The following TTC6 variants were observed in gnomAD, a reference collection of about 807,000 sequenced individuals.
The protein encoded by TTC6 is tetratricopeptide repeat domain 6.
A neutral mutation model predicts 210.4 loss-of-function variants in TTC6; 172 were observed. That is an observed-to-expected ratio of 0.82 (90% CI 0.72 to 0.93). The LOEUF (loss-of-function observed/expected upper bound fraction) is 0.93, where lower values mean the gene tolerates loss of function less well. TTC6 is among the 40% of genes least tolerant of loss of function. TTC6 has a pLI of 0.00. For missense variants in TTC6, 2,414 were observed against 2,318.1 expected (o/e 1.04, Z -0.85); for synonymous variants, 804 against 819.6 (o/e 0.98, Z 0.32).
chr14:37,656,045 G>T (rs548483322), intron 1 of TTC6, among the ~76,000 whole-genome samples: 24 of 152,236 alleles, frequency 1.6e-4, no homozygotes, highest in African/African-American at 5.8e-4. Flanking sequence ...TCTCTTGTTA[G>T]TTATCTAGCC....
chr14:37,696,693 A>G, intron 3 of TTC6, 24 bp from the exon 6 acceptor site: 1 of 1,230,856 alleles, frequency 8.1e-7, no homozygotes, highest in African/African-American at 1.6e-5. Context: ...TTCTCTTAAC[A>G]GCACACTTTA....
At chr14:37,804,560 C>T in intron 20 of TTC6, 120 bp from the exon 23 acceptor site, 1 of 1,303,418 alleles carries the variant, frequency 7.7e-7, no homozygotes, top group Non-Finnish European at 1.1e-6. Context: ...TGTTTGTCCC[C>T]AGATAAAGTA....
In TTC6 at chr14:37,711,053, T is replaced by C. The variant is rs183569287; in HGVS notation, c.1572-3602T>C. The stretch of plus-strand genomic sequence containing the variant: ...TCATTAGGTCTGTGTTGGGGCTCAA[T>C]AACTTACATTCCTAACAAGTTGTTA... On this transcript the variant is annotated intron_variant, in intron 5 of 30. Transcript: ENST00000553443. Among the ~76,000 whole-genome samples the C allele has an allele frequency of 3.3e-5, 5 of 152,224 alleles. No individual in the cohort carries two copies. The East Asian group carries it at 9.7e-4, about 29-fold the overall frequency.
At chr14:37,800,012 A>G (rs1423769629) in intron 20 of TTC6, among the ~76,000 whole-genome samples, 1 of 152,062 alleles carries the variant, frequency 6.6e-6, no homozygotes, top group Non-Finnish European at 1.5e-5. Context: ...GGCATTTTTT[A>G]TTTTTTGCAG....
intron 6 of TTC6, among the ~76,000 whole-genome samples, chr14:37,720,152 A>C (rs1440198159): frequency 6.6e-6 from 1 of 152,174 alleles, no homozygotes; most frequent in East Asian, 1.9e-4. Context: ...ATTAGTACAG[A>C]ATGGTTAAAA....
intron 13 of TTC6, among the ~76,000 whole-genome samples, chr14:37,752,162 A>T (rs2095954363): frequency 6.6e-6 from 1 of 151,996 alleles, no homozygotes; most frequent in Admixed American, 6.6e-5. Flanking sequence ...GTCAAGGCAA[A>T]ATATTCCCCT....
chr14:37,696,680 ATCTTC>A (rs1412097856), intron 3 of TTC6, 32 bp from the exon 6 acceptor site: 3 of 1,066,266 alleles, frequency 2.8e-6, no homozygotes. Flanking sequence ...CTCATGTTAC[ATCTTC>A]TCTTAACAGC....
chr14:37,757,161 A>G (rs1458311800), intron 14 of TTC6, among the ~76,000 whole-genome samples: 2 of 151,982 alleles, frequency 1.3e-5, no homozygotes, highest in Non-Finnish European at 2.9e-5. Flanking sequence ...CTCTGATGGT[A>G]GTTTGTATTT....
chr14:37,805,733 GCT>G (rs1781599393), intron 21 of TTC6, among the ~76,000 whole-genome samples: 1 of 151,882 alleles, frequency 6.6e-6, no homozygotes. Context: ...ATGGAGTTTC[GCT>G]CTGTCGCCAG....
At chr14:37,612,465 T>C (rs940128607) in intron 2 of TTC6, among the ~76,000 whole-genome samples, 17 of 152,216 alleles carry the variant, frequency 1.1e-4, no homozygotes, top group Admixed American at 6.5e-5. Flanking sequence ...AAAAATCACA[T>C]TGGTGATTTT....
At chr14:37,660,675 A>G (rs2095735548) in intron 1 of TTC6, among the ~76,000 whole-genome samples, 1 of 152,222 alleles carries the variant, frequency 6.6e-6, no homozygotes, top group Non-Finnish European at 1.5e-5. Flanking sequence ...CCTTTGTAAT[A>G]GAATGATTTA....
At chr14:37,636,281 C>T (rs1439459275) in intron 1 of TTC6, among the ~76,000 whole-genome samples, 1 of 152,162 alleles carries the variant, frequency 6.6e-6, no homozygotes, top group Non-Finnish European at 1.5e-5. Context: ...CTCTAACCTA[C>T]ATTTTTAGAA....
chr14:37,731,588 A>G (rs1293946869), intron 7 of TTC6, among the ~76,000 whole-genome samples: 2 of 152,110 alleles, frequency 1.3e-5, no homozygotes, highest in Admixed American at 1.3e-4. Context: ...TACTTTATAT[A>G]TTTTGGGGCC....
At chr14:37,663,255 A>G (rs879570748) in intron 1 of TTC6, among the ~76,000 whole-genome samples, 1 of 152,136 alleles carries the variant, frequency 6.6e-6, no homozygotes, top group Non-Finnish European at 1.5e-5. Flanking sequence ...TTGATTGTGT[A>G]TCCTGAAACT....
At chr14:37,810,231 TACACA>T (rs2096126940) in intron 24 of TTC6, among the ~76,000 whole-genome samples, 1 of 152,136 alleles carries the variant, frequency 6.6e-6, no homozygotes, top group African/African-American at 2.4e-5. Context: ...TAGAGTGACC[TACACA>T]ACAGGGGCCT....
intron 7 of TTC6, among the ~76,000 whole-genome samples, chr14:37,732,574 C>T (rs184895836): frequency 4.0e-5 from 6 of 151,816 alleles, no homozygotes; most frequent in Admixed American, 3.9e-4. Context: ...TTACTATTAA[C>T]TAAGTGGAAG....
intron 1 of TTC6, among the ~76,000 whole-genome samples, chr14:37,648,340 G>T (rs1304081268): frequency 6.6e-6 from 1 of 152,152 alleles, no homozygotes; most frequent in Non-Finnish European, 1.5e-5. Context: ...AATAAGTGTT[G>T]AAATTTGTTG....
At chr14:37,737,592 AT>A (rs1595175028) in intron 8 of TTC6, 67 bp from the exon 11 acceptor site, 1 of 857,338 alleles carries the variant, frequency 1.2e-6, no homozygotes, top group East Asian at 2.7e-5. Context: ...TTAGCCAAGT[AT>A]TATATATTTT....
chr14:37,820,969 C>T (rs117488817), intron 26 of TTC6, among the ~76,000 whole-genome samples: 10,613 of 150,252 alleles, frequency 0.071, 527 homozygotes, highest in Non-Finnish European at 0.11. Flanking sequence ...CCTCCTCCTC[C>T]TCTTCTTCCT....
Sources: gnomAD v4.1 joint callset for allele counts (sites outside exome capture counted in the v4.1 genomes callset) on GRCh38, gnomAD v4.1.1 for gene constraint, MANE v1.5 for transcripts, NCBI Gene and HGNC (gene_info 2026-07-23, HGNC 2026-07-21) for gene names.